FLT3: variants seen among roughly 807,000 people sequenced by gnomAD.
FLT3 encodes fms related receptor tyrosine kinase 3.
FLT3 carries 46 observed loss-of-function variants against 126.6 expected under a neutral mutation model. The ratio of observed to expected loss-of-function variants is 0.36; its 90% CI spans 0.29 to 0.46. The LOEUF is 0.46. Ranked by LOEUF, FLT3 falls within the 20% of genes least tolerant of loss-of-function variation. FLT3 has a pLI of 1.00. For missense variants in FLT3, 1,069 were observed against 1,190.3 expected (o/e 0.90, Z 1.50); for synonymous variants, 404 against 434.4 (o/e 0.93, Z 0.87).
chr13:28,021,219 TC>T (rs1336393467), intron 19 of FLT3, among the ~76,000 whole-genome samples: 9 of 151,890 alleles, frequency 5.9e-5, no homozygotes, highest in African/African-American at 2.2e-4. Flanking sequence ...CAAAACCTTA[TC>T]CCTACAAAAA....
chr13:28,040,730 T>C (rs1874289128), intron 9 of FLT3, among the ~76,000 whole-genome samples: 1 of 151,964 alleles, frequency 6.6e-6, no homozygotes, highest in South Asian at 2.1e-4. Flanking sequence ...CGTGCAGGGG[T>C]TCACATCTGT....
chr13:28,022,740 T>G (rs560817738), intron 19 of FLT3, among the ~76,000 whole-genome samples: 6 of 152,164 alleles, frequency 3.9e-5, no homozygotes, highest in Admixed American at 1.3e-4. Context: ...ATGATCTGCT[T>G]ATAGGCAGGA....
intron 9 of FLT3, among the ~76,000 whole-genome samples, chr13:28,037,574 T>C (rs2137688110): frequency 6.6e-6 from 1 of 152,284 alleles, no homozygotes; most frequent in Middle Eastern, 3.4e-3. Flanking sequence ...ATGATCACCA[T>C]GTGAGTCATA....
intron 2 of FLT3, among the ~76,000 whole-genome samples, chr13:28,070,184 T>C (rs1877379141): frequency 6.6e-6 from 1 of 152,230 alleles, no homozygotes; most frequent in Non-Finnish European, 1.5e-5. Flanking sequence ...TGAGTATCCA[T>C]GGATTTTGGT....
chr13:28,091,413 G>A (rs1448540902), intron 1 of FLT3, among the ~76,000 whole-genome samples: 22 of 149,124 alleles, frequency 1.5e-4, no homozygotes, highest in Admixed American at 2.7e-4. Context: ...AGTAGAGACG[G>A]GGTTTCACCG....
chr13:28,098,849 G>A (rs113947550), intron 1 of FLT3, among the ~76,000 whole-genome samples: 8 of 151,980 alleles, frequency 5.3e-5, no homozygotes, highest in African/African-American at 1.9e-4. Flanking sequence ...AGTAAAAGAA[G>A]GTGGACATAA....
chr13:28,016,226 C>T (rs1871842520), intron 20 of FLT3, among the ~76,000 whole-genome samples: 1 of 151,996 alleles, frequency 6.6e-6, no homozygotes, highest in South Asian at 2.1e-4. Context: ...AGAATCAAGA[C>T]ACAAGATGGG....
At chr13:28,091,491 G>T (rs867478822) in intron 1 of FLT3, among the ~76,000 whole-genome samples, 21 of 151,752 alleles carry the variant, frequency 1.4e-4, no homozygotes, top group Non-Finnish European at 1.9e-4. Flanking sequence ...AAAGTGCTGG[G>T]ATTACAGGCG....
chr13:28,037,435 C>T (rs1873934826), intron 9 of FLT3, 147 bp from the exon 10 acceptor site: 1 of 600,350 alleles, frequency 1.7e-6, no homozygotes, highest in Admixed American at 2.9e-5. Context: ...TATTGTAGAC[C>T]CTTGCTACTC....
chr13:28,074,155 T>C (rs908017395), intron 1 of FLT3, among the ~76,000 whole-genome samples: 2 of 152,150 alleles, frequency 1.3e-5, no homozygotes, highest in Admixed American at 1.3e-4. Flanking sequence ...AATCACACAG[T>C]ATGAACTGTT....
intron 4 of FLT3, among the ~76,000 whole-genome samples, chr13:28,055,510 T>C (rs1875923929): frequency 6.6e-6 from 1 of 152,278 alleles, no homozygotes; most frequent in South Asian, 2.1e-4. Flanking sequence ...TTTACTTTTT[T>C]GGCAACCATG....
At chr13:28,050,711 G>A (rs867212544) in intron 5 of FLT3, among the ~76,000 whole-genome samples, 1 of 152,064 alleles carries the variant, frequency 6.6e-6, no homozygotes, top group African/African-American at 2.4e-5. Context: ...TCACCCACAA[G>A]GGAAGTCAGC....
At chr13:28,084,468 C>T (rs1878521497) in intron 1 of FLT3, among the ~76,000 whole-genome samples, 1 of 152,140 alleles carries the variant, frequency 6.6e-6, no homozygotes, top group Non-Finnish European at 1.5e-5. Context: ...GATTCTCCCA[C>T]CTCAGCCTCC....
At chr13:28,073,372 A>AT in intron 1 of FLT3, 1 of 400,334 alleles carries the variant, frequency 2.5e-6, no homozygotes, top group Admixed American at 3.2e-5. Context: ...AAAAAAAAGC[A>AT]TTTTTTACTG....
Position 28,100,164 on chromosome 13 carries a change from G to C in FLT3, c.43+304C>G, listed in dbSNP as rs897272418. ...GCGCGGGCCGAGCTGCCCCAGACCC[G>C]GCGCAGCGCCTCGGCGAGGCCGTCT... On this transcript the variant is annotated intron_variant, in intron 1 of 23. Coordinates refer to ENST00000241453, the MANE Select transcript of FLT3 (RefSeq NM_004119.3). This position sits in a 1 kb window ranked among gnomAD's most constrained non-coding sequence, Gnocchi z 4.8. 6.6e-6 allele frequency among the ~76,000 whole-genome samples: 1 copy of C among 152,064 alleles called. No individual in the cohort carries two copies. Among genetic ancestry groups the C allele is most frequent in the Non-Finnish European group, 1.5e-5 (1 of 67,990 alleles).
intron 1 of FLT3, among the ~76,000 whole-genome samples, chr13:28,086,307 C>T (rs888537714): frequency 2.0e-5 from 3 of 152,154 alleles, no homozygotes; most frequent in Admixed American, 6.5e-5. Flanking sequence ...TTTACCATAA[C>T]ACAGTCTACC....
At chr13:28,098,314 C>CAAAA (rs55675449) in intron 1 of FLT3, among the ~76,000 whole-genome samples, 24 of 85,282 alleles carry the variant, frequency 2.8e-4, no homozygotes, top group African/African-American at 8.6e-4. Flanking sequence ...GACTCCGTCT[C>CAAAA]AAAAAAAAAA....
intron 1 of FLT3, among the ~76,000 whole-genome samples, chr13:28,081,803 T>C (rs1878331228): frequency 6.6e-6 from 1 of 150,734 alleles, no homozygotes. Flanking sequence ...ATTTTTATTA[T>C]AATTTTTACT....
chr13:28,015,559 G>T (rs764080369), intron 21 of FLT3, 31 bp downstream of exon 21: 2 of 1,344,768 alleles, frequency 1.5e-6, no homozygotes, highest in Non-Finnish European at 2.1e-6. Context: ...AAAGCCAGGA[G>T]CCAAGGGAGG....
Sources: allele counts gnomAD v4.1 joint callset (sites outside exome capture counted in the v4.1 genomes callset), GRCh38; gene constraint gnomAD v4.1.1; non-coding constraint Gnocchi (gnomAD v3.1); transcripts MANE v1.5; gene names NCBI Gene and HGNC (gene_info 2026-07-23, HGNC 2026-07-21).